PTPRD: variants seen among roughly 807,000 people sequenced by gnomAD.
PTPRD encodes the protein receptor-type tyrosine-protein phosphatase delta.
Under a neutral mutation model 214.5 loss-of-function variants are expected in PTPRD, and 34 were observed. The ratio of observed to expected loss-of-function variants is 0.16; its 90% CI spans 0.12 to 0.21. PTPRD has a LOEUF of 0.21. PTPRD is among the 10% of genes least tolerant of loss of function. The probability of loss-of-function intolerance (pLI) is 1.00; values close to 1 mark genes in which losing one functional copy is unlikely to be tolerated. For missense variants in PTPRD, 2,545 were observed against 2,398.7 expected (o/e 1.06, Z -1.27); for synonymous variants, 1,128 against 845.7 (o/e 1.33, Z -5.79).
intron 5 of PTPRD, among the ~76,000 whole-genome samples, chr9:9,823,663 G>A (rs2051597718): frequency 1.3e-5 from 2 of 152,038 alleles, no homozygotes; most frequent in African/African-American, 4.8e-5. Flanking sequence ...TCACTCATAT[G>A]TGTGAGTTAA....
intron 10 of PTPRD, among the ~76,000 whole-genome samples, chr9:9,151,480 A>G (rs1199978369): frequency 1.3e-5 from 2 of 152,148 alleles, no homozygotes; most frequent in African/African-American, 4.8e-5. Flanking sequence ...CATCTCACAA[A>G]TGAAATTGGA....
chr9:10,415,936 A>G (rs140347525), intron 2 of PTPRD, among the ~76,000 whole-genome samples: 2 of 152,066 alleles, frequency 1.3e-5, no homozygotes, highest in African/African-American at 4.8e-5. Flanking sequence ...AGGAGAGTCT[A>G]AGCAGCACAG....
intron 3 of PTPRD, among the ~76,000 whole-genome samples, chr9:10,076,062 T>C (rs1369331037): frequency 6.6e-6 from 1 of 152,094 alleles, no homozygotes; most frequent in East Asian, 1.9e-4. Context: ...ACCTCCATAA[T>C]GGTTACCTGA....
At chr9:8,689,542 G>T (rs1420754132) in intron 12 of PTPRD, among the ~76,000 whole-genome samples, 2 of 152,156 alleles carry the variant, frequency 1.3e-5, no homozygotes, top group Non-Finnish European at 2.9e-5. Context: ...GCAAAAGTGG[G>T]AATCCCTGAT....
intron 4 of PTPRD, among the ~76,000 whole-genome samples, chr9:10,012,800 A>C (rs1449722660): frequency 2.0e-5 from 3 of 151,934 alleles, no homozygotes; most frequent in South Asian, 2.1e-4. Context: ...AACTGCTTGC[A>C]TAGGTATTGA....
At position 9,910,616 on chromosome 9, in the gene PTPRD, T is replaced by C. The variant is rs541404357; in HGVS notation, c.-368+27891A>G. Among the ~76,000 whole-genome samples the C allele has an allele frequency of 2.0e-5, 3 of 152,206 alleles. No individual in the cohort carries two copies. The East Asian group carries it at 5.8e-4, about 29-fold the overall frequency. On this transcript the variant is annotated intron_variant, in intron 5 of 45. Transcript: ENST00000381196. Reference sequence around the variant, plus strand: ...TAAGTGTGTTGCTTCAATTTATATTTAATTGCTTGTGGAATTAGGCATTGT... The same window carrying C: ...TAAGTGTGTTGCTTCAATTTATATTCAATTGCTTGTGGAATTAGGCATTGT...
intron 2 of PTPRD, among the ~76,000 whole-genome samples, chr9:10,419,861 T>A (rs1180743252): frequency 6.6e-6 from 1 of 151,822 alleles, no homozygotes; most frequent in Non-Finnish European, 1.5e-5. Flanking sequence ...GAAAATTCAA[T>A]ATTTAAACAT....
chr9:10,292,893 A>C lies in PTPRD; in HGVS notation c.-545+48070T>G, dbSNP rs77243784. Among the ~76,000 whole-genome samples the C allele has an allele frequency of 4.6e-5, 7 of 152,024 alleles. No homozygotes were observed. The East Asian group carries it at 1.4e-3, about 29-fold the overall frequency. Reference sequence around the variant, plus strand: ...ATGTGTGTATATAAATTAATGTTACATTAGTTAGTAAGTTACATAAAAGAA... The same window carrying C: ...ATGTGTGTATATAAATTAATGTTACCTTAGTTAGTAAGTTACATAAAAGAA... On this transcript the variant is annotated intron_variant, in intron 3 of 45. Transcript: ENST00000381196.
At chr9:10,598,827 G>T (rs1018916927) in intron 2 of PTPRD, among the ~76,000 whole-genome samples, 1 of 151,260 alleles carries the variant, frequency 6.6e-6, no homozygotes, top group African/African-American at 2.4e-5. Flanking sequence ...AGAGAGTAAA[G>T]GAGACTAGTA....
At chr9:10,462,345 T>A (rs1430749083) in intron 2 of PTPRD, among the ~76,000 whole-genome samples, 1 of 152,102 alleles carries the variant, frequency 6.6e-6, no homozygotes, top group East Asian at 1.9e-4. Context: ...TGCAAATGAG[T>A]CTACTATCTA....
intron 2 of PTPRD, among the ~76,000 whole-genome samples, chr9:10,578,819 C>A (rs2070579915): frequency 6.6e-6 from 1 of 152,124 alleles, no homozygotes. Context: ...GGGGTACAAA[C>A]AATCCCGTCA....
intron 2 of PTPRD, among the ~76,000 whole-genome samples, chr9:10,458,784 C>T (rs922857455): frequency 1.4e-5 from 2 of 140,240 alleles, no homozygotes; most frequent in Admixed American, 7.1e-5. Flanking sequence ...ATGTAGAAAA[C>T]GTCAAAGACA....
At chr9:10,610,262 C>G (rs2080606545) in intron 2 of PTPRD, among the ~76,000 whole-genome samples, 1 of 152,116 alleles carries the variant, frequency 6.6e-6, no homozygotes, top group South Asian at 2.1e-4. Context: ...CTAGAAACAG[C>G]TTTCATTCAG....
intron 2 of PTPRD, among the ~76,000 whole-genome samples, chr9:10,404,044 C>G (rs2098321659): frequency 6.6e-6 from 1 of 151,718 alleles, no homozygotes; most frequent in Admixed American, 6.6e-5. Context: ...ATCCACCACT[C>G]TGGTGGAGGA....
chr9:9,219,887 T>C (rs1230736821), intron 9 of PTPRD, among the ~76,000 whole-genome samples: 2 of 152,198 alleles, frequency 1.3e-5, no homozygotes, highest in African/African-American at 4.8e-5. Flanking sequence ...ACATTGGGAC[T>C]ATGGTAAAGG....
At chr9:8,507,219 A>G in intron 22 of PTPRD, 82 bp downstream of exon 22, 1 of 1,493,138 alleles carries the variant, frequency 6.7e-7, no homozygotes, top group Non-Finnish European at 9.0e-7. Context: ...TCTCTGACCA[A>G]GAATGTGGAT....
intron 11 of PTPRD, among the ~76,000 whole-genome samples, chr9:8,854,414 T>G (rs1483691962): frequency 6.6e-6 from 1 of 152,226 alleles, no homozygotes; most frequent in Non-Finnish European, 1.5e-5. Flanking sequence ...TATGTGATTG[T>G]GTTAATGAAT....
intron 4 of PTPRD, among the ~76,000 whole-genome samples, chr9:9,981,354 A>ATTCTTTT (rs36081416): frequency 2.9e-5 from 4 of 138,188 alleles, no homozygotes; most frequent in Admixed American, 1.5e-4. Context: ...ACATTAAACA[A>ATTCTTTT]TTTTTTTTTT....
At chr9:10,079,823 G>C (rs1027728230) in intron 3 of PTPRD, among the ~76,000 whole-genome samples, 1 of 151,916 alleles carries the variant, frequency 6.6e-6, no homozygotes, top group African/African-American at 2.4e-5. Flanking sequence ...TAGGTCTATT[G>C]TCACCGACCC....
Sources: gnomAD v4.1 joint callset for allele counts (sites outside exome capture counted in the v4.1 genomes callset) on GRCh38, gnomAD v4.1.1 for gene constraint, MANE v1.5 for transcripts, NCBI Gene and HGNC (gene_info 2026-07-23, HGNC 2026-07-21) for gene names.